The following LUZP2 variants were observed in gnomAD, a reference collection of about 807,000 sequenced individuals.
The protein encoded by LUZP2 is leucine zipper protein 2.
Under a neutral mutation model 51.6 loss-of-function variants are expected in LUZP2, and 52 were observed. That is an observed-to-expected ratio of 1.01 (90% CI 0.81 to 1.27). The LOEUF is 1.27. LUZP2 is among the 50% of genes most tolerant of loss of function. LUZP2 has a pLI of 0.00. For missense variants in LUZP2, 436 were observed against 395.4 expected, an observed-to-expected ratio of 1.10 and a Z score of -0.87; for synonymous variants, 154 against 137.3, an observed-to-expected ratio of 1.12 and a Z score of -0.85.
intron 5 of LUZP2, chr11:24,893,193 T>C (rs976791906): frequency 1.3e-5 from 2 of 152,206 alleles, no homozygotes; most frequent in Non-Finnish European, 2.9e-5. Context: ...CATTTATTCA[T>C]TTATTCGTTC....
rs530565526 is a variant in LUZP2, at chr11:24,934,165, C to A, written c.522+19627C>A. Among the ~76,000 whole-genome samples the A allele has an allele frequency of 1.4e-4, 22 of 152,312 alleles. No homozygotes were observed. In the East Asian group the frequency reaches 4.1e-3, roughly 28 times the overall value. On this transcript the variant is annotated intron_variant, in intron 7 of 11. Coordinates refer to ENST00000336930, the MANE Select transcript of LUZP2 (RefSeq NM_001009909.4). ...GGAATGTCATCAGTTAAAGCAGGAACTGGCTATTTTCACTTCTTTTCTGGA... is the reference window on the plus strand; with the variant it reads ...GGAATGTCATCAGTTAAAGCAGGAAATGGCTATTTTCACTTCTTTTCTGGA...
intron 5 of LUZP2, among the ~76,000 whole-genome samples, chr11:24,880,796 A>G (rs1448227472): frequency 6.6e-6 from 1 of 150,892 alleles, no homozygotes; most frequent in Non-Finnish European, 1.5e-5. Flanking sequence ...GTGTTTTGGA[A>G]CTCGGATGTT....
chr11:24,594,235 A>G (rs1428576557), intron 1 of LUZP2, among the ~76,000 whole-genome samples: 2 of 152,194 alleles, frequency 1.3e-5, no homozygotes, highest in Non-Finnish European at 2.9e-5. Context: ...TTATTCCAAG[A>G]TCAATGCTGA....
At chr11:24,907,768 T>TA (rs1292941070) in intron 6 of LUZP2, among the ~76,000 whole-genome samples, 4 of 152,310 alleles carry the variant, frequency 2.6e-5, no homozygotes, top group Admixed American at 2.6e-4. Context: ...AAAATGGGCT[T>TA]ACCTTTATTG....
At chr11:24,654,464 C>T (rs960686534) in intron 1 of LUZP2, among the ~76,000 whole-genome samples, 59 of 151,902 alleles carry the variant, frequency 3.9e-4, no homozygotes, top group African/African-American at 1.4e-3. Flanking sequence ...TGCCCAAACT[C>T]GAATGCAGTG....
intron 10 of LUZP2, among the ~76,000 whole-genome samples, chr11:25,066,899 C>T (rs1859010277): frequency 6.6e-6 from 1 of 151,904 alleles, no homozygotes; most frequent in African/African-American, 2.4e-5. Flanking sequence ...CTATCATCTG[C>T]AAGTTTCATT....
chr11:24,713,648 A>G (rs946003409), intron 1 of LUZP2, among the ~76,000 whole-genome samples: 3 of 146,642 alleles, frequency 2.0e-5, no homozygotes, highest in African/African-American at 7.5e-5. Context: ...GAGCTACACC[A>G]CGACACTCTA....
At chr11:24,664,643 C>G (rs560503311) in intron 1 of LUZP2, among the ~76,000 whole-genome samples, 2 of 152,230 alleles carry the variant, frequency 1.3e-5, no homozygotes, top group Admixed American at 1.3e-4. Flanking sequence ...GCCCTGAATC[C>G]CAACTACTTT....
chr11:24,817,034 A>G (rs1204292819), intron 5 of LUZP2, among the ~76,000 whole-genome samples: 5 of 152,040 alleles, frequency 3.3e-5, no homozygotes, highest in African/African-American at 1.2e-4. Context: ...TCATTTGAGA[A>G]CAGTAAATGC....
chr11:24,848,236 C>T (rs1851265768), intron 5 of LUZP2, among the ~76,000 whole-genome samples: 1 of 152,150 alleles, frequency 6.6e-6, no homozygotes, highest in Non-Finnish European at 1.5e-5. Flanking sequence ...AAACATAACG[C>T]TTTCACACTG....
At chr11:24,695,138 TA>T (rs148161104) in intron 1 of LUZP2, among the ~76,000 whole-genome samples, 27,523 of 151,898 alleles carry the variant, frequency 0.18, 2,585 homozygotes, top group East Asian at 0.32. Flanking sequence ...TGCCTAGCAA[TA>T]AAAAATATAT....
intron 7 of LUZP2, among the ~76,000 whole-genome samples, chr11:24,935,734 A>G (rs1328611651): frequency 6.6e-6 from 1 of 152,188 alleles, no homozygotes; most frequent in Non-Finnish European, 1.5e-5. Context: ...CCTGATGTAT[A>G]TAATATTAAA....
chr11:24,875,976 T>G (rs1406420746), intron 5 of LUZP2, among the ~76,000 whole-genome samples: 2 of 151,954 alleles, frequency 1.3e-5, no homozygotes, highest in African/African-American at 4.8e-5. Context: ...TAAATTTGTT[T>G]GAGTTCATTG....
chr11:24,770,104 C>T (rs1239092968), intron 5 of LUZP2, among the ~76,000 whole-genome samples: 1 of 152,160 alleles, frequency 6.6e-6, no homozygotes, highest in Non-Finnish European at 1.5e-5. Flanking sequence ...ACTAAATTCT[C>T]AAAGTTCAGA....
chr11:25,069,598 C>A (rs1327904070), intron 10 of LUZP2, among the ~76,000 whole-genome samples: 3 of 151,384 alleles, frequency 2.0e-5, no homozygotes, highest in South Asian at 2.1e-4. Flanking sequence ...CTAATATATA[C>A]ATAAAATAGC....
intron 1 of LUZP2, among the ~76,000 whole-genome samples, chr11:24,576,972 G>A (rs150289146): frequency 6.6e-6 from 1 of 151,774 alleles, no homozygotes; most frequent in African/African-American, 2.4e-5. Flanking sequence ...AAATTGATGG[G>A]ACTGGTTAAA....
In LUZP2 at chr11:24,537,462, G is replaced by A. The variant is rs75371292; in HGVS notation, c.62+40157G>A. ...CACGTAAGAATGTTTAGAAATTCTT[G>A]TAGTGTTTTCTAAACAATATTGAAA... On this transcript the variant is annotated intron_variant, in intron 1 of 11. Transcript: ENST00000336930. Among the ~76,000 whole-genome samples the A allele has an allele frequency of 1.1e-3, 172 of 151,974 alleles. 2 individuals are homozygous for A. The East Asian group carries it at 0.027, about 24-fold the overall frequency.
At chr11:24,944,604 A>T (rs1322609492) in intron 7 of LUZP2, among the ~76,000 whole-genome samples, 1 of 152,160 alleles carries the variant, frequency 6.6e-6, no homozygotes, top group East Asian at 1.9e-4. Flanking sequence ...TTACTTAAGA[A>T]ATATTTTGAA....
At chr11:24,994,350 C>T (rs887684489) in intron 9 of LUZP2, among the ~76,000 whole-genome samples, 1 of 152,126 alleles carries the variant, frequency 6.6e-6, no homozygotes, top group Non-Finnish European at 1.5e-5. Flanking sequence ...CATTTGTCTG[C>T]ATGTGGCATC....
Sources: allele counts gnomAD v4.1 joint callset (sites outside exome capture counted in the v4.1 genomes callset), GRCh38; gene constraint gnomAD v4.1.1; transcripts MANE v1.5; gene names NCBI Gene and HGNC (gene_info 2026-07-23, HGNC 2026-07-21).